The following TSHZ1 variants were observed in gnomAD, a reference collection of about 807,000 sequenced individuals.
TSHZ1 encodes teashirt zinc finger homeobox 1.
Under a neutral mutation model 67.1 loss-of-function variants are expected in TSHZ1, and 12 were observed. The observed-to-expected ratio is 0.18, with a 90% CI of 0.11 to 0.29. TSHZ1 has a LOEUF of 0.29. Among genes scored for constraint, TSHZ1 ranks in the 10% least tolerant of loss-of-function variants. The pLI, the probability that TSHZ1 is intolerant of heterozygous loss-of-function variation, is 1.00. For synonymous variants in TSHZ1, 632 were observed against 622.4 expected, an observed-to-expected ratio of 1.02 and a Z score of -0.23; for missense variants, 1,305 against 1,413.9, an observed-to-expected ratio of 0.92 and a Z score of 1.23.
chr18:75,241,530 G>A (rs948664162), intron 1 of TSHZ1, among the ~76,000 whole-genome samples: 23 of 152,154 alleles, frequency 1.5e-4, no homozygotes, highest in African/African-American at 5.6e-4. Flanking sequence ...CCTGGGGAGA[G>A]AGTTGATGTC....
chr18:75,258,382 A>G (rs1331247330), intron 1 of TSHZ1, among the ~76,000 whole-genome samples: 1 of 152,182 alleles, frequency 6.6e-6, no homozygotes, highest in Non-Finnish European at 1.5e-5. Context: ...CACATGTAGT[A>G]ACGGTTGCTT....
rs2023818095 is a variant in TSHZ1 at position 75,288,554 on chromosome 18, G to A, written c.3147G>A (p.Lys1049=). 18 of 1,614,238 alleles carry A rather than the reference G, an allele frequency of 1.1e-5. No homozygotes were observed. The highest frequency in any genetic ancestry group is 1.4e-5 in the Non-Finnish European group (17 of 1,180,044). ...CKLCNRTFAS[K]HAVKLHLSKT... ...TCTGCAACCGGACTTTTGCGAGCAA[G>A]CACGCAGTCAAACTGCACCTTAGTA... Residue 1049 remains lysine, a synonymous_variant, in exon 2 of 2, where the codon AAG becomes AAA. Transcript: ENST00000580243. This position sits in a 1 kb window ranked among gnomAD's most constrained non-coding sequence, Gnocchi z 4.9.
intron 1 of TSHZ1, among the ~76,000 whole-genome samples, chr18:75,274,399 T>C (rs1209109330): frequency 6.6e-6 from 1 of 151,974 alleles, no homozygotes; most frequent in Non-Finnish European, 1.5e-5. Flanking sequence ...GTGGAGAAAA[T>C]GCAGAGGTGG....
In TSHZ1 at chr18:75,285,544, T is replaced by C. The variant is rs199698194; in HGVS notation, c.137T>C (p.Met46Thr). Residue 46 changes from methionine to threonine, a missense_variant, in exon 2 of 2, where the codon ATG becomes ACG. Physicochemically the swap from Met to Thr is moderately conservative, Grantham distance 81. Coordinates refer to ENST00000580243, the MANE Select transcript of TSHZ1 (RefSeq NM_001308210.2). The part of the protein sequence containing the change: ...LSLDIQESEY[M>T]CNEETEIKEA... Reference sequence around the variant, plus strand: ...TTGGACATTCAGGAAAGTGAGTACATGTGCAATGAAGAGACGGAGATCAAA... The same window carrying C: ...TTGGACATTCAGGAAAGTGAGTACACGTGCAATGAAGAGACGGAGATCAAA... 105 of 1,574,808 alleles carry C rather than the reference T, an allele frequency of 6.7e-5. No individual in the cohort carries two copies. Among genetic ancestry groups the C allele is most frequent in the Admixed American group, 4.0e-4 (23 of 57,438 alleles).
chr18:75,229,422 G>C (rs2022968111), intron 1 of TSHZ1, among the ~76,000 whole-genome samples: 1 of 152,240 alleles, frequency 6.6e-6, no homozygotes, highest in Admixed American at 6.5e-5. Context: ...GCACCATGCA[G>C]GGGGACCCAT....
intron 1 of TSHZ1, among the ~76,000 whole-genome samples, chr18:75,249,553 A>G (rs945892069): frequency 2.0e-4 from 30 of 151,188 alleles, no homozygotes; most frequent in Non-Finnish European, 1.2e-4. Flanking sequence ...CCTCCTCGCC[A>G]TCTCACCCCT....
intron 1 of TSHZ1, among the ~76,000 whole-genome samples, chr18:75,273,127 T>C (rs183064085): frequency 7.2e-5 from 11 of 152,338 alleles, no homozygotes; most frequent in Admixed American, 1.3e-4. Flanking sequence ...AAGCAGAGCA[T>C]GTTCAGGGAA....
chr18:75,250,358 A>T (rs1220664952), intron 1 of TSHZ1, among the ~76,000 whole-genome samples: 1 of 152,116 alleles, frequency 6.6e-6, no homozygotes, highest in Non-Finnish European at 1.5e-5. Flanking sequence ...CTCCCCGCAG[A>T]GTCCCCAGTG....
intron 1 of TSHZ1, among the ~76,000 whole-genome samples, chr18:75,271,731 C>T (rs1192957165): frequency 6.8e-6 from 1 of 147,790 alleles, no homozygotes; most frequent in Non-Finnish European, 1.5e-5. Flanking sequence ...GCTCCCCCCT[C>T]CCCGCTTCCT....
intron 1 of TSHZ1, among the ~76,000 whole-genome samples, chr18:75,250,299 G>A (rs1249563544): frequency 1.3e-5 from 2 of 152,106 alleles, no homozygotes; most frequent in African/African-American, 4.8e-5. Flanking sequence ...CAGCCTCCAC[G>A]CTCCACGCCC....
Position 75,287,587 on chromosome 18 carries a change from G to T in TSHZ1, c.2180G>T (p.Cys727Phe). Residue 727 changes from cysteine (C) to phenylalanine (F), a missense_variant, in exon 2 of 2, where the codon TGT becomes TTT. Cys to Phe is a radical substitution (Grantham distance 205). Coordinates refer to ENST00000580243, the MANE Select transcript of TSHZ1 (RefSeq NM_001308210.2). This position sits in a 1 kb window ranked among gnomAD's most constrained non-coding sequence, Gnocchi z 5.0. ...EPLKAKVTNG[C>F]NNLGIIMDHS... ...CTCAAAGCAAAGGTCACCAACGGCT[G>T]TAACAACCTGGGGATCATCATGGAC... The T allele has an allele frequency of 6.2e-7, 1 of 1,614,198 alleles. No individual in the cohort carries two copies. The highest frequency in any genetic ancestry group is 8.5e-7 in the Non-Finnish European group (1 of 1,180,048).
chr18:75,286,212 G>A lies in TSHZ1; in HGVS notation c.805G>A (p.Gly269Ser). 1.2e-6 allele frequency: 2 copies of A among 1,614,082 alleles called. No individual in the cohort carries two copies. Among genetic ancestry groups the A allele is most frequent in the Non-Finnish European group, 1.7e-6 (2 of 1,179,980 alleles). The change falls in exon 2 of 2, where the codon GGC (glycine) becomes AGC (serine). Residue 269 changes from glycine (G) to serine (S), a missense_variant. Physicochemically the swap from Gly to Ser is moderately conservative, Grantham distance 56. Coordinates refer to ENST00000580243, the MANE Select transcript of TSHZ1 (RefSeq NM_001308210.2). This position sits in a 1 kb window ranked among gnomAD's most constrained non-coding sequence, Gnocchi z 5.1. The stretch of plus-strand genomic sequence containing the variant: ...ACTGACGGTGCACATGAACGAGACA[G>A]GCCACTACCGTGACGACAACAGGGA... ...VELTVHMNET[G>S]HYRDDNRDKD...
At position 75,288,591 on chromosome 18, in the gene TSHZ1, A is replaced by T; in HGVS notation, c.3184A>T (p.Lys1062Ter). The part of the protein sequence containing the change: ...VKLHLSKTHG[K>*]SPEDHLIYVT... ...ACTGCACCTTAGTAAGACCCACGGCAAGTCTCCCGAGGACCACCTGATCTA... is the reference window on the plus strand; with the variant it reads ...ACTGCACCTTAGTAAGACCCACGGCTAGTCTCCCGAGGACCACCTGATCTA... The change falls in exon 2 of 2, where the codon AAG becomes TAG. Residue 1062 changes from lysine (K) to a stop codon, truncating the protein, a stop_gained. Coordinates refer to ENST00000580243, the MANE Select transcript of TSHZ1 (RefSeq NM_001308210.2). LOFTEE classifies it high-confidence loss of function. The surrounding 1 kb of genome is among the most constrained non-coding windows in gnomAD (Gnocchi z 4.9). The T allele has an allele frequency of 6.2e-7, 1 of 1,612,610 alleles. No homozygotes were observed. Among genetic ancestry groups the T allele is most frequent in the Non-Finnish European group, 8.5e-7 (1 of 1,179,374 alleles).
Position 75,231,780 on chromosome 18 carries a change from C to T in TSHZ1, c.40+19864C>T, listed in dbSNP as rs971349804. The stretch of plus-strand genomic sequence containing the variant: ...TAACTCCTGACTTGGGTGATCCTCC[C>T]GCTTTGGCCTCCCAAAGTGCTGGGA... On this transcript the variant is annotated intron_variant, in intron 1 of 1. Transcript: ENST00000580243. Among the ~76,000 whole-genome samples, 7 of 152,096 alleles carry T rather than the reference C, an allele frequency of 4.6e-5. No homozygotes were observed. In the South Asian group the frequency reaches 6.2e-4, roughly 13 times the overall value.
In TSHZ1 at chr18:75,287,410, A is replaced by G. The variant is rs760560761; in HGVS notation, c.2003A>G (p.Lys668Arg). ...GAGAAGGAGAAGAGCTCCCTGGCCA[A>G]GGCTGCGTCCCCCATAGCAAAAGAG... ...PPEKEKSSLAKAASPIAKENK... is the reference protein window; with the variant it reads ...PPEKEKSSLARAASPIAKENK... Residue 668 changes from lysine to arginine, a missense_variant, in exon 2 of 2, where the codon AAG (lysine) becomes AGG (arginine). Coordinates refer to ENST00000580243, the MANE Select transcript of TSHZ1 (RefSeq NM_001308210.2). This position sits in a 1 kb window ranked among gnomAD's most constrained non-coding sequence, Gnocchi z 5.0. 3.7e-5 allele frequency: 60 copies of G among 1,614,138 alleles called. No individual in the cohort carries two copies. The highest frequency in any genetic ancestry group is 5.0e-5 in the Non-Finnish European group (59 of 1,180,026).
intron 1 of TSHZ1, among the ~76,000 whole-genome samples, chr18:75,243,889 C>T (rs1019305425): frequency 6.6e-6 from 1 of 152,144 alleles, no homozygotes; most frequent in Non-Finnish European, 1.5e-5. Context: ...TATAACACAA[C>T]ATGTACGTCC....
intron 1 of TSHZ1, among the ~76,000 whole-genome samples, chr18:75,240,348 GA>G (rs1020712648): frequency 1.3e-5 from 2 of 148,586 alleles, no homozygotes; most frequent in Non-Finnish European, 3.0e-5. Flanking sequence ...AGCTTTTAAA[GA>G]AAAAAAGGCA....
chr18:75,219,928 CAT>C (rs2022824267), intron 1 of TSHZ1, among the ~76,000 whole-genome samples: 1 of 152,182 alleles, frequency 6.6e-6, no homozygotes, highest in African/African-American at 2.4e-5. Flanking sequence ...CATGCACAGT[CAT>C]ATGTGACCAA....
At chr18:75,258,201 T>C (rs1014895784) in intron 1 of TSHZ1, among the ~76,000 whole-genome samples, 4 of 152,142 alleles carry the variant, frequency 2.6e-5, no homozygotes, top group Non-Finnish European at 5.9e-5. Flanking sequence ...CCATGCGGGT[T>C]TTGTTGGATG....
Sources: allele counts gnomAD v4.1 joint callset (sites outside exome capture counted in the v4.1 genomes callset), GRCh38; gene constraint gnomAD v4.1.1; non-coding constraint Gnocchi (gnomAD v3.1); transcripts MANE v1.5; gene names NCBI Gene and HGNC (gene_info 2026-07-23, HGNC 2026-07-21).